PTPRJ: variants seen among roughly 807,000 people sequenced by gnomAD.
PTPRJ encodes protein tyrosine phosphatase receptor type J, also known as receptor-type tyrosine-protein phosphatase eta.
Under a neutral mutation model 141.3 loss-of-function variants are expected in PTPRJ, and 129 were observed. That is an observed-to-expected ratio of 0.91 (90% confidence interval 0.79 to 1.06). The LOEUF (loss-of-function observed/expected upper bound fraction) is 1.06. PTPRJ is among the 50% of genes least tolerant of loss of function. The pLI, the probability that PTPRJ is intolerant of heterozygous loss-of-function variation, is 0.00. For synonymous variants in PTPRJ, 610 were observed against 640.5 expected, an observed-to-expected ratio of 0.95 and a Z score of 0.72; for missense variants, 1,601 against 1,679.7, an observed-to-expected ratio of 0.95 and a Z score of 0.82.
chr11:48,145,558 G>GTTTTTTTTTTTTTT (rs574426609), intron 14 of PTPRJ, among the ~76,000 whole-genome samples: 1 of 117,482 alleles, frequency 8.5e-6, no homozygotes, highest in Non-Finnish European at 1.7e-5. Flanking sequence ...TTTATTTTAT[G>GTTTTTTTTTTTTTT]TTTTTTTTTT....
intron 1 of PTPRJ, among the ~76,000 whole-genome samples, chr11:48,101,274 C>G (rs1021828407): frequency 6.6e-6 from 1 of 152,184 alleles, no homozygotes; most frequent in Non-Finnish European, 1.5e-5. Context: ...GCTTCAAACT[C>G]AGGCCTGACT....
At position 48,153,133 on chromosome 11, in the gene PTPRJ, C is replaced by T. The variant is rs374645437; in HGVS notation, c.3139-663C>T. The stretch of plus-strand genomic sequence containing the variant: ...TATTGCCGGGGAAGAAAGCTTTAAT[C>T]GGGTGCTGCAGCCAAGGAGATGGGA... On this transcript the variant is annotated intron_variant, in intron 18 of 24. Coordinates refer to ENST00000418331, the MANE Select transcript of PTPRJ (RefSeq NM_002843.4). Among the ~76,000 whole-genome samples, 62 of 152,196 alleles carry T rather than the reference C, an allele frequency of 4.1e-4. No individual in the cohort carries two copies. In the East Asian group the frequency reaches 6.2e-3, roughly 15 times the overall value.
chr11:48,013,346 G>C (rs532866354), intron 1 of PTPRJ, among the ~76,000 whole-genome samples: 3 of 152,132 alleles, frequency 2.0e-5, no homozygotes. Flanking sequence ...GCATACAGGG[G>C]TCAGAGGTCA....
At chr11:48,138,409 G>T (rs1160043832) in intron 10 of PTPRJ, among the ~76,000 whole-genome samples, 2 of 152,134 alleles carry the variant, frequency 1.3e-5, no homozygotes, top group East Asian at 3.8e-4. Flanking sequence ...TGTAAAAGTG[G>T]GTGCAGTGTT....
intron 1 of PTPRJ, among the ~76,000 whole-genome samples, chr11:48,046,508 T>C (rs1332069705): frequency 6.6e-6 from 1 of 152,172 alleles, no homozygotes; most frequent in Non-Finnish European, 1.5e-5. Context: ...TGCTGGGCCC[T>C]GGCCTGAACT....
chr11:48,006,456 GC>G (rs1328142440), intron 1 of PTPRJ, among the ~76,000 whole-genome samples: 3 of 152,140 alleles, frequency 2.0e-5, no homozygotes, highest in African/African-American at 7.2e-5. Flanking sequence ...GGACATCCCT[GC>G]CCATTCAGAG....
chr11:48,136,804 T>G (rs1857111395), intron 9 of PTPRJ, among the ~76,000 whole-genome samples, 199 bp from the exon 10 acceptor site: 1 of 152,220 alleles, frequency 6.6e-6, no homozygotes, highest in South Asian at 2.1e-4. Context: ...GAAGCCTAAA[T>G]TAAACTTCTT....
At chr11:48,132,683 A>G (rs1029538531) in intron 8 of PTPRJ, 7 of 875,036 alleles carry the variant, frequency 8.0e-6, no homozygotes, top group Non-Finnish European at 9.6e-6. Flanking sequence ...CCTAGAACTT[A>G]AAGTATAATA....
chr11:48,032,831 A>G (rs1435668021), intron 1 of PTPRJ, among the ~76,000 whole-genome samples: 1 of 152,184 alleles, frequency 6.6e-6, no homozygotes, highest in Non-Finnish European at 1.5e-5. Context: ...TTTATTCAAC[A>G]CAGTTTGTTC....
chr11:48,068,237 C>T (rs1300085474), intron 1 of PTPRJ, among the ~76,000 whole-genome samples: 1 of 152,206 alleles, frequency 6.6e-6, no homozygotes, highest in Non-Finnish European at 1.5e-5. Context: ...AGGTCAGGAA[C>T]TGTGCAGGTT....
At chr11:48,044,564 C>G (rs1854344441) in intron 1 of PTPRJ, among the ~76,000 whole-genome samples, 1 of 152,204 alleles carries the variant, frequency 6.6e-6, no homozygotes, top group Non-Finnish European at 1.5e-5. Flanking sequence ...TTGGGTTTCA[C>G]AAGAGACAAG....
At chr11:48,027,330 A>G (rs1042842289) in intron 1 of PTPRJ, among the ~76,000 whole-genome samples, 1 of 152,004 alleles carries the variant, frequency 6.6e-6, no homozygotes. Context: ...AAATATAGCC[A>G]GAAAGGGCTG....
intron 1 of PTPRJ, among the ~76,000 whole-genome samples, chr11:48,015,667 AGGAGTTCAAGAC>A (rs1854930151): frequency 2.0e-5 from 3 of 151,740 alleles, no homozygotes; most frequent in South Asian, 4.2e-4. Context: ...ACTTGAGGTC[AGGAGTTCAAGAC>A]CAGTGTGGCC....
In PTPRJ at chr11:48,036,421, C is replaced by T. The variant is rs543761930; in HGVS notation, c.96+55413C>T. ...CTTCTTGCATTCCTTTCTCTCATTT[C>T]TTTTTCTGTAAATTTCATGTCACTG... On this transcript the variant is annotated intron_variant, in intron 1 of 24. Transcript: ENST00000418331. Among the ~76,000 whole-genome samples the T allele has an allele frequency of 2.0e-5, 3 of 152,298 alleles. No homozygotes were observed. In the East Asian group the frequency reaches 5.8e-4, roughly 29 times the overall value.
intron 15 of PTPRJ, 149 bp downstream of exon 15, chr11:48,147,112 T>G (rs3741410): frequency 0.16 from 111,872 of 717,440 alleles, 9,918 homozygotes; most frequent in African/African-American, 0.3. Context: ...GCCAGTCCTA[T>G]TTCCTCTGCG....
At position 48,158,955 on chromosome 11, in the gene PTPRJ, A is replaced by C. The variant is rs12418298; in HGVS notation, c.3439-975A>C. Among the ~76,000 whole-genome samples, 1 of 152,166 alleles carries C rather than the reference A, an allele frequency of 6.6e-6. No individual in the cohort carries two copies. The highest frequency in any genetic ancestry group is 1.5e-5 in the Non-Finnish European group (1 of 68,030). ...TGACAGAGTGAGACTGTCTCAAACA[A>C]ACACACAAACAAAAAACAGAAAACA... On this transcript the variant is annotated intron_variant, in intron 21 of 24. Transcript: ENST00000418331. The surrounding 1 kb of genome is among the most constrained non-coding windows in gnomAD (Gnocchi z 4.4).
chr11:48,023,042 G>C (rs1214856896), intron 1 of PTPRJ, among the ~76,000 whole-genome samples: 1 of 152,114 alleles, frequency 6.6e-6, no homozygotes, highest in African/African-American at 2.4e-5. Flanking sequence ...CAAATGGTAT[G>C]GGCTGATTTA....
At chr11:48,157,262 A>G (rs1049385338) in intron 21 of PTPRJ, among the ~76,000 whole-genome samples, 1 of 152,214 alleles carries the variant, frequency 6.6e-6, no homozygotes, top group Non-Finnish European at 1.5e-5. Flanking sequence ...GCTGGATTGC[A>G]GATGTGAGCC....
Position 48,094,695 on chromosome 11 carries a change from G to A in PTPRJ, c.97-15363G>A, listed in dbSNP as rs1287086186. ...GCTTTTCTGCTGTGTTTACTGCGAT[G>A]GGTGTGTGTATTTGAAGTCTGTATG... On this transcript the variant is annotated intron_variant, in intron 1 of 24. Coordinates refer to ENST00000418331, the MANE Select transcript of PTPRJ (RefSeq NM_002843.4). 2.0e-5 allele frequency among the ~76,000 whole-genome samples: 3 copies of A among 152,298 alleles called. No individual in the cohort carries two copies. In the East Asian group the frequency reaches 5.8e-4, roughly 29 times the overall value.
Sources: allele counts gnomAD v4.1 joint callset (sites outside exome capture counted in the v4.1 genomes callset), GRCh38; gene constraint gnomAD v4.1.1; non-coding constraint Gnocchi (gnomAD v3.1); transcripts MANE v1.5; gene names NCBI Gene and HGNC (gene_info 2026-07-23, HGNC 2026-07-21).